The following RSPO1 variants were observed in gnomAD, a reference collection of about 807,000 sequenced individuals.
RSPO1 encodes R-spondin 1.
Under a neutral mutation model 26.0 loss-of-function variants are expected in RSPO1, and 18 were observed. The ratio of observed to expected loss-of-function variants is 0.69; its 90% confidence interval spans 0.48 to 1.03. The LOEUF (loss-of-function observed/expected upper bound fraction) is 1.03, where lower values mean the gene tolerates loss of function less well. RSPO1 is among the 50% of genes least tolerant of loss of function. The pLI, the probability that RSPO1 is intolerant of heterozygous loss-of-function variation, is 0.00. For missense variants in RSPO1, 309 were observed against 352.3 expected (o/e 0.88, Z 0.98); for synonymous variants, 133 against 137.4 (o/e 0.97, Z 0.22).
At chr1:37,633,623 C>T (rs550249312) in intron 1 of RSPO1, among the ~76,000 whole-genome samples, 1 of 151,798 alleles carries the variant, frequency 6.6e-6, no homozygotes, top group African/African-American at 2.4e-5. Flanking sequence ...AGAGTTTTGG[C>T]CGCCCAGCAG....
In RSPO1 at chr1:37,612,551, G is replaced by T; in HGVS notation, c.*204C>A. On this transcript the variant is annotated 3_prime_UTR_variant, in exon 7 of 7. Transcript: ENST00000356545. ...GTGTGTGTGGTGTCTGTGTCTGCGT[G>T]TGTACATGAACACACATGTGCAAGT... is the stretch of plus-strand genomic sequence containing the variant. The T allele has an allele frequency of 1.6e-6, 1 of 638,906 alleles. No individual in the cohort carries two copies. The highest frequency in any genetic ancestry group is 2.8e-6 in the Non-Finnish European group (1 of 352,908). The allele number at this position is 638,906 out of a possible 1,614,324, so 39.6% of individuals were successfully genotyped here. A position where few individuals can be genotyped will look rare whatever the true frequency, so the allele number is the denominator to read the frequency against.
At chr1:37,618,295 T>A (rs886548928) in intron 3 of RSPO1, among the ~76,000 whole-genome samples, 2 of 152,188 alleles carry the variant, frequency 1.3e-5, no homozygotes, top group Non-Finnish European at 2.9e-5. Flanking sequence ...TCTAAACAGA[T>A]TTCTTTACTG....
intron 3 of RSPO1, among the ~76,000 whole-genome samples, chr1:37,627,737 C>T (rs1036125318): frequency 5.3e-5 from 8 of 152,188 alleles, no homozygotes; most frequent in Non-Finnish European, 1.2e-4. Flanking sequence ...TTACTATCCT[C>T]CTATACATTG....
At position 37,613,140 on chromosome 1, in the gene RSPO1, C is replaced by A. The variant is rs984960194; in HGVS notation, c.626-219G>T. On this transcript the variant is annotated intron_variant, in intron 6 of 6. Coordinates refer to ENST00000356545, the MANE Select transcript of RSPO1 (RefSeq NM_001242908.2). The surrounding 1 kb of genome is among the most constrained non-coding windows in gnomAD (Gnocchi z 4.5). Reference sequence around the variant, plus strand: ...GAGTACTGGGAGGCAGCCCAAGAGCCCTTTCACTCCCCAACCCTCAAGGCA... The same window carrying A: ...GAGTACTGGGAGGCAGCCCAAGAGCACTTTCACTCCCCAACCCTCAAGGCA... Among the ~76,000 whole-genome samples the A allele has an allele frequency of 1.1e-4, 17 of 152,196 alleles. No individual in the cohort carries two copies. The highest frequency in any genetic ancestry group is 3.9e-4 in the African/African-American group (16 of 41,448).
rs139353088 is a variant in RSPO1, at chr1:37,612,499, G to GGTGTGTGT, written c.*248_*255dup. ...ATGGAAGTGTCTTCTGGTGGCCTCA[G>GGTGTGTGT]GTGTGTGTGTGTGTGTGTGTGTATG... On this transcript the variant is annotated 3_prime_UTR_variant, in exon 7 of 7. Transcript: ENST00000356545. The GGTGTGTGT allele has an allele frequency of 4.0e-3, 2,056 of 509,696 alleles. 6 individuals are homozygous for GGTGTGTGT. Among genetic ancestry groups the GGTGTGTGT allele is most frequent in the Middle Eastern group, 0.02 (38 of 1,920 alleles). 31.6% of individuals were successfully genotyped at this position (509,696 alleles called of 1,614,324 possible). A position where few individuals can be genotyped will look rare whatever the true frequency, so the allele number is the denominator to read the frequency against.
rs761128770 is a variant in RSPO1 at position 37,616,599 on chromosome 1, T to A, written c.171A>T (p.Ser57=). 1.2e-6 allele frequency: 2 copies of A among 1,614,002 alleles called. No individual in the cohort carries two copies. The highest frequency in any genetic ancestry group is 1.7e-6 in the Non-Finnish European group (2 of 1,180,006). Reference sequence around the variant, plus strand: ...TCTCCAGCAGGATGAACAGCTTGGGTGAGCACTTGAGGCAGCCGTTGACTT... The same window carrying A: ...TCTCCAGCAGGATGAACAGCTTGGGAGAGCACTTGAGGCAGCCGTTGACTT... The part of the protein sequence containing the change: ...CSEVNGCLKC[S]PKLFILLERN... Residue 57 remains serine (S), a synonymous_variant, in exon 4 of 7, where the codon TCA becomes TCT. Transcript: ENST00000356545.
rs927127155 is a variant in RSPO1 at position 37,611,998 on chromosome 1, C to T, written c.*757G>A. 2.0e-5 allele frequency: 3 copies of T among 152,172 alleles called. No individual in the cohort carries two copies. Among genetic ancestry groups the T allele is most frequent in the Non-Finnish European group, 4.4e-5 (3 of 68,116 alleles). 9.4% of individuals were successfully genotyped at this position (152,172 alleles called of 1,614,324 possible). A position where few individuals can be genotyped will look rare whatever the true frequency, so the allele number is the denominator to read the frequency against. On this transcript the variant is annotated 3_prime_UTR_variant, in exon 7 of 7. Coordinates refer to ENST00000356545, the MANE Select transcript of RSPO1 (RefSeq NM_001242908.2). ...GCCTGTTTACCACCGTCAGAGCAGCCCCTAAGTTTTCTTCCTTGTCTGCAT... is the reference window on the plus strand; with the variant it reads ...GCCTGTTTACCACCGTCAGAGCAGCTCCTAAGTTTTCTTCCTTGTCTGCAT...
chr1:37,615,324 C>T (rs915484276), intron 4 of RSPO1, among the ~76,000 whole-genome samples: 4 of 152,174 alleles, frequency 2.6e-5, no homozygotes, highest in Non-Finnish European at 5.9e-5. Context: ...AAAATAAGAA[C>T]AATAGCAGCT....
Position 37,614,353 on chromosome 1 carries a change from G to A in RSPO1, c.287-20C>T. Reference sequence around the variant, plus strand: ...TGCATTCTGAGGAGAGGACAGATTGGGGGCTTCTGGCCCAGCCTGGTGAGA... The same window carrying A: ...TGCATTCTGAGGAGAGGACAGATTGAGGGCTTCTGGCCCAGCCTGGTGAGA... On this transcript the variant is annotated intron_variant, in intron 4 of 6. Coordinates refer to ENST00000356545, the MANE Select transcript of RSPO1 (RefSeq NM_001242908.2). 6.2e-7 allele frequency: 1 copy of A among 1,613,126 alleles called. No individual in the cohort carries two copies. The highest frequency in any genetic ancestry group is 8.5e-7 in the Non-Finnish European group (1 of 1,180,010).
intron 3 of RSPO1, among the ~76,000 whole-genome samples, chr1:37,629,334 AG>A (rs1035739516): frequency 1.3e-5 from 2 of 152,234 alleles, no homozygotes; most frequent in Non-Finnish European, 2.9e-5. Flanking sequence ...GAGTCTACAA[AG>A]GGGAAAACAG....
In RSPO1 at chr1:37,612,833, G is replaced by A. The variant is rs1644046151; in HGVS notation, c.714C>T (p.Gly238=). The A allele has an allele frequency of 6.2e-7, 1 of 1,613,794 alleles. No individual in the cohort carries two copies. The highest frequency in any genetic ancestry group is 8.5e-7 in the Non-Finnish European group (1 of 1,180,032). ...ARKESKEAGA[G]SRRRKGQQQQ... ...GTTGCTGCCCCTTGCGTCTTCGAGA[G>A]CCAGCACCCGCCTCCTTGCTCTCCT... Residue 238 remains glycine (G), a synonymous_variant, in exon 7 of 7, where the codon GGC becomes GGT. Transcript: ENST00000356545.
At position 37,629,656 on chromosome 1, in the gene RSPO1, C is replaced by A. The variant is rs780152153; in HGVS notation, c.6G>T (p.Arg2=). M[R]LGLCVVALVL... is the part of the protein sequence containing the mutation. ...CCAGGGCCACCACACACAGCCCAAG[C>A]CGCATAGTCACGCGCCAGCTCCAGG... The change falls in exon 3 of 7, where the codon CGG becomes CGT. Residue 2 remains arginine, a synonymous_variant. Transcript: ENST00000356545. 14 of 1,614,026 alleles carry A rather than the reference C, an allele frequency of 8.7e-6. No individual in the cohort carries two copies. Among genetic ancestry groups the A allele is most frequent in the Non-Finnish European group, 3.4e-6 (4 of 1,180,032 alleles).
intron 3 of RSPO1, among the ~76,000 whole-genome samples, chr1:37,627,679 C>G (rs1644298547): frequency 6.6e-6 from 1 of 151,668 alleles, no homozygotes; most frequent in African/African-American, 2.4e-5. Flanking sequence ...CAAAACAAAA[C>G]AAAACAAAAC....
chr1:37,632,436 G>A (rs1269154530), intron 1 of RSPO1, 83 bp from the exon 2 acceptor site: 1 of 152,218 alleles, frequency 6.6e-6, no homozygotes, highest in Non-Finnish European at 1.5e-5. Context: ...GATGGGAAGA[G>A]TTGCAAGCAC....
chr1:37,629,151 C>T (rs1050777962), intron 3 of RSPO1, among the ~76,000 whole-genome samples: 1 of 152,214 alleles, frequency 6.6e-6, no homozygotes, highest in African/African-American at 2.4e-5. Flanking sequence ...GAGCTCCTAA[C>T]CCAAAAGGGT....
At chr1:37,625,951 T>C (rs1436543296) in intron 3 of RSPO1, among the ~76,000 whole-genome samples, 1 of 152,176 alleles carries the variant, frequency 6.6e-6, no homozygotes, top group Non-Finnish European at 1.5e-5. Context: ...GTGCTGGGAT[T>C]ACAGGCGTGA....
At chr1:37,615,697 C>A (rs956604237) in intron 4 of RSPO1, among the ~76,000 whole-genome samples, 2 of 152,222 alleles carry the variant, frequency 1.3e-5, no homozygotes, top group Non-Finnish European at 2.9e-5. Context: ...AGTGTGTTCA[C>A]ACGTGTCCCC....
At position 37,612,848 on chromosome 1, in the gene RSPO1, C is replaced by T. The variant is rs762285891; in HGVS notation, c.699G>A (p.Lys233=). The T allele has an allele frequency of 2.5e-6, 4 of 1,613,928 alleles. No homozygotes were observed. The African/African-American group carries it at 5.3e-5, about 22-fold the overall frequency. Residue 233 remains lysine (K), a synonymous_variant, in exon 7 of 7, where the codon AAG becomes AAA. Coordinates refer to ENST00000356545, the MANE Select transcript of RSPO1 (RefSeq NM_001242908.2). ...GTCTTCGAGAGCCAGCACCCGCCTC[C>T]TTGCTCTCCTTCCTGGCCAGGTTCC... is the stretch of plus-strand genomic sequence containing the variant. ...ANRNLARKES[K]EAGAGSRRRK...
intron 3 of RSPO1, among the ~76,000 whole-genome samples, chr1:37,627,502 T>C (rs1427723819): frequency 6.6e-6 from 1 of 151,874 alleles, no homozygotes; most frequent in Non-Finnish European, 1.5e-5. Flanking sequence ...ATACAAAAAT[T>C]AGCCAGGCAT....
Sources: allele counts gnomAD v4.1 joint callset (sites outside exome capture counted in the v4.1 genomes callset), GRCh38; gene constraint gnomAD v4.1.1; non-coding constraint Gnocchi (gnomAD v3.1); transcripts MANE v1.5; gene names NCBI Gene and HGNC (gene_info 2026-07-23, HGNC 2026-07-21).